The following NACC2 variants were observed in gnomAD, a reference collection of about 807,000 sequenced individuals.
The protein encoded by NACC2 is NACC family member 2, also known as nucleus accumbens-associated protein 2.
NACC2 carries 8 observed loss-of-function variants against 25.1 expected under a neutral mutation model. The observed-to-expected ratio is 0.32, with a 90% CI of 0.19 to 0.57. NACC2 has a LOEUF of 0.57. Ranked by LOEUF, NACC2 falls within the 20% of genes least tolerant of loss-of-function variation. NACC2 has a pLI of 0.89. For synonymous variants in NACC2, 435 were observed against 294.7 expected (o/e 1.48, Z -4.88); for missense variants, 644 against 650.2 (o/e 0.99, Z 0.10).
In NACC2 at chr9:136,007,544, G is replaced by GACACGC. The variant is rs1462773014; in HGVS notation, c.*3966_*3971dup. 2 of 64,832 alleles carry GACACGC rather than the reference G, an allele frequency of 3.1e-5. No homozygotes were observed. The highest frequency in any genetic ancestry group is 1.8e-4 in the African/African-American group (2 of 10,814). The allele number at this position is 64,832 out of a possible 1,614,324, so 4.0% of individuals were successfully genotyped here. A position where few individuals can be genotyped will look rare whatever the true frequency, so the allele number is the denominator to read the frequency against. ...ACAGACGCACAGACGTGCACACACA[G>GACACGC]ACACGCACACACACACAGACACGCG... is the stretch of plus-strand genomic sequence containing the variant. On this transcript the variant is annotated 3_prime_UTR_variant, in exon 6 of 6. Transcript: ENST00000277554.
chr9:136,093,160 C>T (rs1423141586), intron 1 of NACC2, among the ~76,000 whole-genome samples: 1 of 152,156 alleles, frequency 6.6e-6, no homozygotes, highest in Non-Finnish European at 1.5e-5. Context: ...CATTCCATCC[C>T]TCGGGCCTGG....
At chr9:136,079,494 T>C (rs1588582776) in intron 1 of NACC2, among the ~76,000 whole-genome samples, 1 of 152,074 alleles carries the variant, frequency 6.6e-6, no homozygotes, top group African/African-American at 2.4e-5. Context: ...CGCCAGCAGG[T>C]GGGGCAGCAA....
At chr9:136,056,824 G>A (rs776122234) in intron 1 of NACC2, among the ~76,000 whole-genome samples, 14 of 152,244 alleles carry the variant, frequency 9.2e-5, no homozygotes, top group Non-Finnish European at 1.5e-4. Context: ...AGCCATCAGA[G>A]CCGGCGGTAA....
chr9:136,079,074 A>G (rs1314051107), intron 1 of NACC2, among the ~76,000 whole-genome samples: 1 of 148,446 alleles, frequency 6.7e-6, no homozygotes, highest in Non-Finnish European at 1.5e-5. Flanking sequence ...TTTTTTTTTA[A>G]GTGCACACGG....
intron 1 of NACC2, among the ~76,000 whole-genome samples, chr9:136,092,491 G>A (rs943022293): frequency 2.6e-5 from 4 of 152,206 alleles, no homozygotes; most frequent in Non-Finnish European, 4.4e-5. Context: ...GGCGCTCCAC[G>A]GCCTCACACC....
In NACC2 at chr9:136,016,438, C is replaced by A; in HGVS notation, c.887-9G>T. ...CTCAGGCTTCTCTTGCACTGTGGGCCCAGAACCAACCTGGTCAGATGGGCA... is the reference window on the plus strand; with the variant it reads ...CTCAGGCTTCTCTTGCACTGTGGGCACAGAACCAACCTGGTCAGATGGGCA... On this transcript the variant is annotated splice_polypyrimidine_tract_variant and intron_variant, in intron 2 of 5. Transcript: ENST00000277554. 2 of 1,610,726 alleles carry A rather than the reference C, an allele frequency of 1.2e-6. No homozygotes were observed. The highest frequency in any genetic ancestry group is 1.7e-6 in the Non-Finnish European group (2 of 1,179,632).
In NACC2 at chr9:136,055,578, G is replaced by A. The variant is rs572733329; in HGVS notation, c.-59-4998C>T. Reference sequence around the variant, plus strand: ...TAAAGCACTTTCTAAGCCCAGCACAGCAAACCAGAGGAATGCGGCACTGAA... The same window carrying A: ...TAAAGCACTTTCTAAGCCCAGCACAACAAACCAGAGGAATGCGGCACTGAA... On this transcript the variant is annotated intron_variant, in intron 1 of 5. Coordinates refer to ENST00000277554, the MANE Select transcript of NACC2 (RefSeq NM_144653.5). This position sits in a 1 kb window ranked among gnomAD's most constrained non-coding sequence, Gnocchi z 4.9. 3.3e-5 allele frequency among the ~76,000 whole-genome samples: 5 copies of A among 152,328 alleles called. No individual in the cohort carries two copies. In the East Asian group the frequency reaches 9.6e-4, roughly 29 times the overall value.
intron 1 of NACC2, among the ~76,000 whole-genome samples, chr9:136,078,628 A>T (rs1052100341): frequency 3.3e-5 from 5 of 152,200 alleles, no homozygotes; most frequent in Admixed American, 2.0e-4. Flanking sequence ...GCGAGGCAAG[A>T]GGGGCCAGCC....
chr9:136,072,606 C>G (rs1224732085), intron 1 of NACC2, among the ~76,000 whole-genome samples: 1 of 152,160 alleles, frequency 6.6e-6, no homozygotes, highest in Non-Finnish European at 1.5e-5. Flanking sequence ...AATCCCAGCA[C>G]TTTGGGATGC....
chr9:136,062,580 C>T (rs1453579348), intron 1 of NACC2, among the ~76,000 whole-genome samples: 1 of 152,212 alleles, frequency 6.6e-6, no homozygotes, highest in Non-Finnish European at 1.5e-5. Context: ...ATACATAATA[C>T]CTGTTCTCTG....
At chr9:136,059,631 C>T (rs1201895279) in intron 1 of NACC2, among the ~76,000 whole-genome samples, 1 of 152,220 alleles carries the variant, frequency 6.6e-6, no homozygotes, top group East Asian at 1.9e-4. Flanking sequence ...GGAACCTGAG[C>T]AGGCCGCAGG....
At chr9:136,025,035 A>G (rs1308309846) in intron 2 of NACC2, among the ~76,000 whole-genome samples, 4 of 152,180 alleles carry the variant, frequency 2.6e-5, no homozygotes, top group African/African-American at 9.7e-5. Context: ...CCAAGAAACG[A>G]AAAAAACAAG....
chr9:136,086,304 A>G lies in NACC2; in HGVS notation c.-60+8885T>C, dbSNP rs1415896480. 6.6e-6 allele frequency among the ~76,000 whole-genome samples: 1 copy of G among 152,036 alleles called. No homozygotes were observed. Among genetic ancestry groups the G allele is most frequent in the Admixed American group, 6.5e-5 (1 of 15,286 alleles). On this transcript the variant is annotated intron_variant, in intron 1 of 5. Coordinates refer to ENST00000277554, the MANE Select transcript of NACC2 (RefSeq NM_144653.5). This position sits in a 1 kb window ranked among gnomAD's most constrained non-coding sequence, Gnocchi z 5.6. ...GGGCACATGCCCCCCGAGGCCTCCC[A>G]CTCAGAGCTGGGAGGGGTTTGGGGG... is the stretch of plus-strand genomic sequence containing the variant.
At chr9:136,093,706 G>C (rs1052896183) in intron 1 of NACC2, among the ~76,000 whole-genome samples, 1 of 152,180 alleles carries the variant, frequency 6.6e-6, no homozygotes, top group Non-Finnish European at 1.5e-5. Context: ...AGTGACCCCA[G>C]GGGAAAACGC....
chr9:136,086,714 C>A lies in NACC2; in HGVS notation c.-60+8475G>T, dbSNP rs2131190027. ...GACTCCTAGGAAAACCCTCCCCGAC[C>A]AGTGGCCCCGTTTCCCTCCCACGAC... On this transcript the variant is annotated intron_variant, in intron 1 of 5. Coordinates refer to ENST00000277554, the MANE Select transcript of NACC2 (RefSeq NM_144653.5). This position sits in a 1 kb window ranked among gnomAD's most constrained non-coding sequence, Gnocchi z 5.6. Among the ~76,000 whole-genome samples, 1 of 152,340 alleles carries A rather than the reference C, an allele frequency of 6.6e-6. No homozygotes were observed. The highest frequency in any genetic ancestry group is 2.1e-4 in the South Asian group (1 of 4,822).
intron 1 of NACC2, among the ~76,000 whole-genome samples, chr9:136,064,091 C>T (rs1175155413): frequency 6.6e-6 from 1 of 152,054 alleles, no homozygotes. Context: ...GAGTTTGAGA[C>T]AAGCCTGGAC....
rs1840234466 is a variant in NACC2, at chr9:136,018,397, T to C, written c.887-1968A>G. On this transcript the variant is annotated intron_variant, in intron 2 of 5. Coordinates refer to ENST00000277554, the MANE Select transcript of NACC2 (RefSeq NM_144653.5). The surrounding 1 kb of genome is among the most constrained non-coding windows in gnomAD (Gnocchi z 4.4). ...ACCCAGCCCTGGGGGGCTGAAACCTTGGTTTCTGAGGACCCCACATCCTGA... is the reference window on the plus strand; with the variant it reads ...ACCCAGCCCTGGGGGGCTGAAACCTCGGTTTCTGAGGACCCCACATCCTGA... 6.6e-6 allele frequency among the ~76,000 whole-genome samples: 1 copy of C among 152,000 alleles called. No homozygotes were observed. The highest frequency in any genetic ancestry group is 2.4e-5 in the African/African-American group (1 of 41,366).
chr9:136,082,654 C>T (rs566581428), intron 1 of NACC2, among the ~76,000 whole-genome samples: 1 of 105,520 alleles, frequency 9.5e-6, no homozygotes, highest in Non-Finnish European at 2.5e-5. Flanking sequence ...GCTGCCTCCA[C>T]GGACCTGCCT....
intron 2 of NACC2, among the ~76,000 whole-genome samples, chr9:136,038,787 T>C (rs1350558878): frequency 6.6e-6 from 1 of 151,986 alleles, no homozygotes; most frequent in Admixed American, 6.6e-5. Context: ...ATCGCACAAT[T>C]GAGGAGGTGG....
Sources: allele counts gnomAD v4.1 joint callset (sites outside exome capture counted in the v4.1 genomes callset), GRCh38; gene constraint gnomAD v4.1.1; non-coding constraint Gnocchi (gnomAD v3.1); transcripts MANE v1.5; gene names NCBI Gene and HGNC (gene_info 2026-07-23, HGNC 2026-07-21).